PGBD4: variants seen among roughly 807,000 people sequenced by gnomAD.
PGBD4 encodes piggyBac transposable element-derived protein 4.
PGBD4 carries 1 observed loss-of-function variant against 0.3 expected under a neutral mutation model. The ratio of observed to expected loss-of-function variants is 3.72; its 90% CI spans 1.32 to 17.64. The LOEUF is 17.64. Among genes scored for constraint, PGBD4 ranks in the 30% most tolerant of loss-of-function variants. PGBD4 has a pLI of 0.11. For missense variants in PGBD4, 624 were observed against 719.7 expected, an observed-to-expected ratio of 0.87 and a Z score of 1.52; for synonymous variants, 253 against 267.7, an observed-to-expected ratio of 0.95 and a Z score of 0.54.
chr15:34,103,332 G>A lies in PGBD4; in HGVS notation c.801G>A (p.Pro267=), dbSNP rs755332934. The A allele has an allele frequency of 1.2e-6, 2 of 1,614,130 alleles. No individual in the cohort carries two copies. The highest frequency in any genetic ancestry group is 1.1e-5 in the South Asian group (1 of 91,072). The part of the protein sequence containing the change: ...KGPLAMKQYL[P]TKRVRFGLKL... ...CATTAGCTATGAAGCAGTACCTCCC[G>A]ACAAAACGAGTACGATTTGGTCTGA... The change falls in exon 1 of 1, where the codon CCG becomes CCA. Residue 267 remains proline (P), a synonymous_variant. Transcript: ENST00000397766. The surrounding 1 kb of genome is among the most constrained non-coding windows in gnomAD (Gnocchi z 4.6).
Position 34,102,786 on chromosome 15 carries a change from G to T in PGBD4, c.255G>T (p.Arg85Ser). 1.2e-6 allele frequency: 2 copies of T among 1,614,094 alleles called. No individual in the cohort carries two copies. Among genetic ancestry groups the T allele is most frequent in the Non-Finnish European group, 1.7e-6 (2 of 1,180,022 alleles). ...CTCGTGCTATGATTCCACGTCAAAG[G>T]TATGACTTTACCGGCACACCTGGCA... ...WSARAMIPRQ[R>S]YDFTGTPGRK... Residue 85 changes from arginine (R) to serine (S), a missense_variant, in exon 1 of 1, where the codon AGG (arginine) becomes AGT (serine). Transcript: ENST00000397766. The surrounding 1 kb of genome is among the most constrained non-coding windows in gnomAD (Gnocchi z 4.7).
rs1000421144 is a variant in PGBD4, at chr15:34,106,301, G to C, written c.*2012G>C. On this transcript the variant is annotated 3_prime_UTR_variant, in exon 1 of 1. Transcript: ENST00000397766. Reference sequence around the variant, plus strand: ...CAAAAAAAAATTAGCTGGGCATAGTGGTGGGTGCCTGTAATCCCAGCTACT... The same window carrying C: ...CAAAAAAAAATTAGCTGGGCATAGTCGTGGGTGCCTGTAATCCCAGCTACT... The C allele has an allele frequency of 6.6e-6, 1 of 152,364 alleles. No individual in the cohort carries two copies. The highest frequency in any genetic ancestry group is 1.5e-5 in the Non-Finnish European group (1 of 68,162). 9.4% of individuals were successfully genotyped at this position (152,364 alleles called of 1,614,324 possible).
In PGBD4 at chr15:34,102,604, G is replaced by A. The variant is rs1901198066; in HGVS notation, c.73G>A (p.Asp25Asn). 6.2e-7 allele frequency: 1 copy of A among 1,611,318 alleles called. No individual in the cohort carries two copies. The highest frequency in any genetic ancestry group is 8.5e-7 in the Non-Finnish European group (1 of 1,178,744). ...CGGTCTCGAACAGTTGTTGGCTGAA[G>A]ATTCATTTGATGAATCTGATTTTTC... ...NTGLEQLLAE[D>N]SFDESDFSEI... is the part of the protein sequence containing the mutation. Residue 25 changes from aspartate (D) to asparagine (N), a missense_variant, in exon 1 of 1, where the codon GAT becomes AAT. By Grantham distance (23) the Asp-to-Asn change is conservative. Coordinates refer to ENST00000397766, the MANE Select transcript of PGBD4 (RefSeq NM_152595.5). The surrounding 1 kb of genome is among the most constrained non-coding windows in gnomAD (Gnocchi z 4.7).
At position 34,103,999 on chromosome 15, in the gene PGBD4, A is replaced by T. The variant is rs1245345947; in HGVS notation, c.1468A>T (p.Ile490Phe). The part of the protein sequence containing the change: ...MSHINFRLAL[I>F]ERMLEKHHKP... ...CCATATAAACTTCAGACTGGCATTG[A>T]TTGAAAGAATGCTGGAAAAGCATCA... Residue 490 changes from isoleucine to phenylalanine, a missense_variant, in exon 1 of 1, where the codon ATT (isoleucine) becomes TTT (phenylalanine). By Grantham distance (21) the Ile-to-Phe change is conservative (BLOSUM62 0). Transcript: ENST00000397766. This position sits in a 1 kb window ranked among gnomAD's most constrained non-coding sequence, Gnocchi z 4.6. The T allele has an allele frequency of 1.9e-6, 3 of 1,614,194 alleles. No individual in the cohort carries two copies. The South Asian group carries it at 3.3e-5, about 18-fold the overall frequency.
chr15:34,102,880 G>T lies in PGBD4; in HGVS notation c.349G>T (p.Val117Phe). Residue 117 changes from valine to phenylalanine, a missense_variant, in exon 1 of 1, where the codon GTT becomes TTT. Transcript: ENST00000397766. The surrounding 1 kb of genome is among the most constrained non-coding windows in gnomAD (Gnocchi z 4.7). ...TGAACTGTTCTTTACTGAGGAATTA[G>T]TTTCAAAAATTACTAGAGAAACAAA... Reference protein sequence around the residue: ...YFELFFTEELVSKITRETNAQ... With the variant: ...YFELFFTEELFSKITRETNAQ... 1 of 1,614,024 alleles carries T rather than the reference G, an allele frequency of 6.2e-7. No individual in the cohort carries two copies. The highest frequency in any genetic ancestry group is 2.2e-5 in the East Asian group (1 of 44,896).
Position 34,105,019 on chromosome 15 carries a change from A to G in PGBD4, c.*730A>G, listed in dbSNP as rs1249223322. On this transcript the variant is annotated 3_prime_UTR_variant, in exon 1 of 1. Coordinates refer to ENST00000397766, the MANE Select transcript of PGBD4 (RefSeq NM_152595.5). Reference sequence around the variant, plus strand: ...TGCTTCAGCCTCAAAGAGGGTGTTTATGTAAAACTAAATGAGTGCAGGCAG... The same window carrying G: ...TGCTTCAGCCTCAAAGAGGGTGTTTGTGTAAAACTAAATGAGTGCAGGCAG... 1 of 165,116 alleles carries G rather than the reference A, an allele frequency of 6.1e-6. No individual in the cohort carries two copies. The highest frequency in any genetic ancestry group is 2.4e-5 in the African/African-American group (1 of 41,448). 10.2% of individuals were successfully genotyped at this position (165,116 alleles called of 1,614,324 possible).
rs946418983 is a variant in PGBD4, at chr15:34,103,306, C to T, written c.775C>T (p.Pro259Ser). ...TGAATCACTGATGCTGTTCAAGGGG[C>T]CATTAGCTATGAAGCAGTACCTCCC... The part of the protein sequence containing the change: ...VDESLMLFKG[P>S]LAMKQYLPTK... Residue 259 changes from proline to serine, a missense_variant, in exon 1 of 1, where the codon CCA becomes TCA. Physicochemically the swap from Pro to Ser is moderately conservative, Grantham distance 74 (BLOSUM62 -1). Transcript: ENST00000397766. This position sits in a 1 kb window ranked among gnomAD's most constrained non-coding sequence, Gnocchi z 4.6. 5 of 1,614,148 alleles carry T rather than the reference C, an allele frequency of 3.1e-6. No homozygotes were observed. The highest frequency in any genetic ancestry group is 4.2e-6 in the Non-Finnish European group (5 of 1,180,036).
Position 34,102,096 on chromosome 15 carries a change from A to G in PGBD4, c.-436A>G. On this transcript the variant is annotated 5_prime_UTR_variant, in exon 1 of 1. Transcript: ENST00000397766. This position sits in a 1 kb window ranked among gnomAD's most constrained non-coding sequence, Gnocchi z 4.7. ...CCTGTGTCAAGTGCCTATGAAGGGGACTGCCCATGAAGTGAAAGTCAAGTG... is the reference window on the plus strand; with the variant it reads ...CCTGTGTCAAGTGCCTATGAAGGGGGCTGCCCATGAAGTGAAAGTCAAGTG... 1 of 542,162 alleles carries G rather than the reference A, an allele frequency of 1.8e-6. No individual in the cohort carries two copies. The highest frequency in any genetic ancestry group is 2.6e-5 in the South Asian group (1 of 38,870). 33.6% of individuals were successfully genotyped at this position (542,162 alleles called of 1,614,324 possible).
At position 34,103,264 on chromosome 15, in the gene PGBD4, A is replaced by G. The variant is rs764024087; in HGVS notation, c.733A>G (p.Arg245Gly). The G allele has an allele frequency of 6.2e-7, 1 of 1,614,238 alleles. No homozygotes were observed. Among genetic ancestry groups the G allele is most frequent in the Non-Finnish European group, 8.5e-7 (1 of 1,180,054 alleles). ...NKFSTVYTPN[R>G]NIAVDESLML... ...ATTTTCCACTGTATATACTCCAAAC[A>G]GAAACATTGCAGTTGATGAATCACT... Residue 245 changes from arginine (R) to glycine (G), a missense_variant, in exon 1 of 1, where the codon AGA becomes GGA. By Grantham distance (125) the Arg-to-Gly change is moderately radical. Coordinates refer to ENST00000397766, the MANE Select transcript of PGBD4 (RefSeq NM_152595.5). This position sits in a 1 kb window ranked among gnomAD's most constrained non-coding sequence, Gnocchi z 4.6.
chr15:34,104,238 G>T lies in PGBD4; in HGVS notation c.1707G>T (p.Pro569=). 6.2e-7 allele frequency: 1 copy of T among 1,614,110 alleles called. No individual in the cohort carries two copies. Among genetic ancestry groups the T allele is most frequent in the Non-Finnish European group, 8.5e-7 (1 of 1,180,022 alleles). ...ATTTTTGTGCCGAATGTGATGTTCC[G>T]CTTTGTGTTGTTCCGTGCTTTGAAA... ...TRYFCAECDV[P]LCVVPCFEIY... Residue 569 remains proline, a synonymous_variant, in exon 1 of 1, where the codon CCG becomes CCT. Coordinates refer to ENST00000397766, the MANE Select transcript of PGBD4 (RefSeq NM_152595.5).
chr15:34,102,747 C>T lies in PGBD4; in HGVS notation c.216C>T (p.Ser72=), dbSNP rs1419005477. The change falls in exon 1 of 1, where the codon TCC becomes TCT. Residue 72 remains serine, a synonymous_variant. Transcript: ENST00000397766. This position sits in a 1 kb window ranked among gnomAD's most constrained non-coding sequence, Gnocchi z 4.7. ...KSSTSSDSGR[S]MKWSARAMIP... ...CTACATCAAGTGACTCAGGGCGCTC[C>T]ATGAAATGGTCAGCTCGTGCTATGA... is the stretch of plus-strand genomic sequence containing the variant. The T allele has an allele frequency of 6.2e-7, 1 of 1,614,120 alleles. No individual in the cohort carries two copies. The highest frequency in any genetic ancestry group is 1.7e-5 in the Admixed American group (1 of 60,014).
Position 34,103,824 on chromosome 15 carries a change from G to A in PGBD4, c.1293G>A (p.Val431=). The change falls in exon 1 of 1, where the codon GTG becomes GTA. Residue 431 remains valine, a synonymous_variant. Coordinates refer to ENST00000397766, the MANE Select transcript of PGBD4 (RefSeq NM_152595.5). The surrounding 1 kb of genome is among the most constrained non-coding windows in gnomAD (Gnocchi z 4.6). Reference sequence around the variant, plus strand: ...ATTATAACGAGAATATGGGAGCAGTGGACTCGGCTGATCAAATGCTTACTT... The same window carrying A: ...ATTATAACGAGAATATGGGAGCAGTAGACTCGGCTGATCAAATGCTTACTT... The part of the protein sequence containing the change: ...IVDYNENMGA[V]DSADQMLTSY... 1 of 1,614,096 alleles carries A rather than the reference G, an allele frequency of 6.2e-7. No homozygotes were observed. Among genetic ancestry groups the A allele is most frequent in the Non-Finnish European group, 8.5e-7 (1 of 1,180,024 alleles).
chr15:34,103,415 C>A lies in PGBD4; in HGVS notation c.884C>A (p.Thr295Lys). Residue 295 changes from threonine to lysine, a missense_variant, in exon 1 of 1, where the codon ACA becomes AAA. By Grantham distance (78) the Thr-to-Lys change is moderately conservative. Coordinates refer to ENST00000397766, the MANE Select transcript of PGBD4 (RefSeq NM_152595.5). This position sits in a 1 kb window ranked among gnomAD's most constrained non-coding sequence, Gnocchi z 4.6. ...SGYVWNALVH[T>K]GPGMNLKDSA... Reference sequence around the variant, plus strand: ...TATGTGTGGAATGCGCTTGTTCACACAGGGCCTGGCATGAATTTGAAAGAT... The same window carrying A: ...TATGTGTGGAATGCGCTTGTTCACAAAGGGCCTGGCATGAATTTGAAAGAT... The A allele has an allele frequency of 6.2e-7, 1 of 1,614,250 alleles. No individual in the cohort carries two copies.
In PGBD4 at chr15:34,105,078, T is replaced by C. The variant is rs1288405819; in HGVS notation, c.*789T>C. 6.0e-6 allele frequency: 1 copy of C among 166,252 alleles called. No individual in the cohort carries two copies. The highest frequency in any genetic ancestry group is 6.6e-5 in the Admixed American group (1 of 15,172). The allele number at this position is 166,252 out of a possible 1,614,324, so 10.3% of individuals were successfully genotyped here. A position where few individuals can be genotyped will look rare whatever the true frequency, so the allele number is the denominator to read the frequency against. On this transcript the variant is annotated 3_prime_UTR_variant, in exon 1 of 1. Transcript: ENST00000397766. ...ACTTTTTTTTTTCCTAAATGGAAAA[T>C]GGGAAGGAGATACTGTCTCTGAACA...
At position 34,104,844 on chromosome 15, in the gene PGBD4, C is replaced by T. The variant is rs1901249878; in HGVS notation, c.*555C>T. 6.6e-6 allele frequency: 1 copy of T among 152,092 alleles called. No individual in the cohort carries two copies. The highest frequency in any genetic ancestry group is 2.4e-5 in the African/African-American group (1 of 41,424). 9.4% of individuals were successfully genotyped at this position (152,092 alleles called of 1,614,324 possible). On this transcript the variant is annotated 3_prime_UTR_variant, in exon 1 of 1. Coordinates refer to ENST00000397766, the MANE Select transcript of PGBD4 (RefSeq NM_152595.5). ...ATTTTTAGTAGAGACTGGGTTTATC[C>T]ATGTTGGTCAGGCTAGTCTTGACCT...
At position 34,102,236 on chromosome 15, in the gene PGBD4, C is replaced by T. The variant is rs537178230; in HGVS notation, c.-296C>T. ...ACCTTTCAAAAAACTTCTAGAGACT[C>T]CCCAAGACGTATGAGATGAAAGGCT... On this transcript the variant is annotated 5_prime_UTR_variant, in exon 1 of 1. Transcript: ENST00000397766. This position sits in a 1 kb window ranked among gnomAD's most constrained non-coding sequence, Gnocchi z 4.7. 4.2e-5 allele frequency: 20 copies of T among 472,330 alleles called. 1 individual carries two copies. In the South Asian group the frequency reaches 4.6e-4, roughly 11 times the overall value. 29.3% of individuals were successfully genotyped at this position (472,330 alleles called of 1,614,324 possible).
In PGBD4 at chr15:34,106,558, G is replaced by T. The variant is rs1230427002; in HGVS notation, c.*2269G>T. 1 of 84,446 alleles carries T rather than the reference G, an allele frequency of 1.2e-5. No individual in the cohort carries two copies. The highest frequency in any genetic ancestry group is 3.5e-5 in the Non-Finnish European group (1 of 28,766). The allele number at this position is 84,446 out of a possible 1,614,324, so 5.2% of individuals were successfully genotyped here. A position where few individuals can be genotyped will look rare whatever the true frequency, so the allele number is the denominator to read the frequency against. On this transcript the variant is annotated 3_prime_UTR_variant, in exon 1 of 1. Transcript: ENST00000397766. ...TTGACCGCAGGTGTGTTCCTTGGTGGTCTTTATCTGATAGACTTTGTCACA... is the reference window on the plus strand; with the variant it reads ...TTGACCGCAGGTGTGTTCCTTGGTGTTCTTTATCTGATAGACTTTGTCACA...
rs1231515295 is a variant in PGBD4, at chr15:34,103,786, C to G, written c.1255C>G (p.Arg419Gly). ...AAATGGAAAGAAAACTAAAAGGCCA[C>G]GTGTCATTGTGGATTATAACGAGAA... Reference protein sequence around the residue: ...NRNGKKTKRPRVIVDYNENMG... With the variant: ...NRNGKKTKRPGVIVDYNENMG... The change falls in exon 1 of 1, where the codon CGT becomes GGT. Residue 419 changes from arginine to glycine, a missense_variant. By Grantham distance (125) the Arg-to-Gly change is moderately radical. Transcript: ENST00000397766. The surrounding 1 kb of genome is among the most constrained non-coding windows in gnomAD (Gnocchi z 4.6). 6.2e-7 allele frequency: 1 copy of G among 1,614,126 alleles called. No homozygotes were observed. The highest frequency in any genetic ancestry group is 8.5e-7 in the Non-Finnish European group (1 of 1,180,030).
At position 34,107,223 on chromosome 15, in the gene PGBD4, C is replaced by T. The variant is rs1567506590; in HGVS notation, c.*2934C>T. On this transcript the variant is annotated 3_prime_UTR_variant, in exon 1 of 1. Coordinates refer to ENST00000397766, the MANE Select transcript of PGBD4 (RefSeq NM_152595.5). ...CCAAAGTATACTATAAATGCACTTC[C>T]GCACTTTGCTCTTTTTACTAAATAT... 2 of 151,812 alleles carry T rather than the reference C, an allele frequency of 1.3e-5. No individual in the cohort carries two copies. Among genetic ancestry groups the T allele is most frequent in the Admixed American group, 6.6e-5 (1 of 15,218 alleles). The allele number at this position is 151,812 out of a possible 1,614,324, so 9.4% of individuals were successfully genotyped here.
Sources: gnomAD v4.1 joint callset for allele counts on GRCh38, gnomAD v4.1.1 for gene constraint, Gnocchi (gnomAD v3.1) non-coding constraint, MANE v1.5 for transcripts, NCBI Gene and HGNC (gene_info 2026-07-23, HGNC 2026-07-21) for gene names.